Variants in WWP1 observed in about 807,000 individuals in gnomAD.
The protein encoded by WWP1 is WW domain containing E3 ubiquitin protein ligase 1.
Under a neutral mutation model 130.6 loss-of-function variants are expected in WWP1, and 49 were observed. The observed-to-expected ratio is 0.38, with a 90% CI of 0.30 to 0.48. The LOEUF (loss-of-function observed/expected upper bound fraction) is 0.48. Among genes scored for constraint, WWP1 ranks in the 20% least tolerant of loss-of-function variants. WWP1 has a pLI of 0.99. For synonymous variants in WWP1, 332 were observed against 367.8 expected (o/e 0.90, Z 1.11); for missense variants, 809 against 1,100.6 (o/e 0.74, Z 3.75).
chr8:86,430,641 C>T (rs1809886284), intron 11 of WWP1, 56 bp from the exon 12 acceptor site: 4 of 1,421,668 alleles, frequency 2.8e-6, no homozygotes, highest in Non-Finnish European at 2.9e-6. Context: ...CTTATTTCTA[C>T]TTTCATATTA....
chr8:86,406,455 ATTATAT>A (rs1439899391), intron 8 of WWP1, among the ~76,000 whole-genome samples: 1 of 152,198 alleles, frequency 6.6e-6, no homozygotes, highest in East Asian at 1.9e-4. Context: ...TCACAAGTTT[ATTATAT>A]TTTTTTCTTA....
intron 8 of WWP1, among the ~76,000 whole-genome samples, chr8:86,409,174 TG>T (rs1808439615): frequency 6.6e-6 from 1 of 151,806 alleles, no homozygotes; most frequent in Admixed American, 6.6e-5. Context: ...TTGGTAATTG[TG>T]ATCTTCCTTG....
In WWP1 at chr8:86,463,063, C is replaced by T. The variant is rs138427625; in HGVS notation, c.2669+1217C>T. Among the ~76,000 whole-genome samples, 52 of 152,216 alleles carry T rather than the reference C, an allele frequency of 3.4e-4. 1 individual carries two copies. Among genetic ancestry groups the T allele is most frequent in the African/African-American group, 9.4e-4 (39 of 41,534 alleles). Reference sequence around the variant, plus strand: ...ATTTTCTTGAAGGAAAGCTTTTGGGCAGTTGTTTGAGTTGAAAGCTGAACT... The same window carrying T: ...ATTTTCTTGAAGGAAAGCTTTTGGGTAGTTGTTTGAGTTGAAAGCTGAACT... On this transcript the variant is annotated intron_variant, in intron 24 of 24. Coordinates refer to ENST00000517970, the MANE Select transcript of WWP1 (RefSeq NM_007013.4).
At chr8:86,453,570 G>A (rs1811286898) in intron 21 of WWP1, among the ~76,000 whole-genome samples, 1 of 152,080 alleles carries the variant, frequency 6.6e-6, no homozygotes, top group East Asian at 1.9e-4. Context: ...GGTATTGTTG[G>A]ATCATATGGT....
intron 24 of WWP1, among the ~76,000 whole-genome samples, chr8:86,464,373 G>A (rs1586526475): frequency 6.6e-6 from 1 of 152,080 alleles, no homozygotes; most frequent in African/African-American, 2.4e-5. Context: ...TTTTTTGGAA[G>A]TAGTTGGGTT....
Position 86,448,619 on chromosome 8 carries a change from T to C in WWP1, c.2273+106T>C, listed in dbSNP as rs187831428. 2,578 of 1,078,886 alleles carry C rather than the reference T, an allele frequency of 2.4e-3. 8 individuals are homozygous for C. Among genetic ancestry groups the C allele is most frequent in the Non-Finnish European group, 3.1e-3 (2,428 of 772,754 alleles). 66.8% of individuals were successfully genotyped at this position (1,078,886 alleles called of 1,614,324 possible). On this transcript the variant is annotated intron_variant, in intron 20 of 24. Transcript: ENST00000517970. ...CCTTTTCATGCCTTTGGGAAGTTCT[T>C]CTCACCAGTACCAATGTTCTTGAAA...
At chr8:86,435,828 A>T (rs1810257082) in intron 16 of WWP1, 124 bp downstream of exon 16, 1 of 873,634 alleles carries the variant, frequency 1.1e-6, no homozygotes, top group Admixed American at 2.8e-5. Context: ...AATGACTGCC[A>T]CCACCACTTG....
At chr8:86,462,531 A>G (rs924219900) in intron 24 of WWP1, among the ~76,000 whole-genome samples, 2 of 152,204 alleles carry the variant, frequency 1.3e-5, no homozygotes, top group Non-Finnish European at 2.9e-5. Context: ...TGTCAAAGAA[A>G]AATTAGACAG....
At chr8:86,435,248 T>C (rs1466645062) in intron 14 of WWP1, among the ~76,000 whole-genome samples, 1 of 152,200 alleles carries the variant, frequency 6.6e-6, no homozygotes, top group African/African-American at 2.4e-5. Flanking sequence ...ACAATGTCCT[T>C]CTTTGTGTAT....
chr8:86,431,843 T>C, intron 14 of WWP1, 100 bp downstream of exon 14: 1 of 1,520,330 alleles, frequency 6.6e-7, no homozygotes, highest in Non-Finnish European at 8.9e-7. Context: ...TTTTACTTTT[T>C]GGTTCAAGAA....
chr8:86,394,737 C>T (rs1807555101), intron 5 of WWP1, among the ~76,000 whole-genome samples: 1 of 151,862 alleles, frequency 6.6e-6, no homozygotes, highest in African/African-American at 2.4e-5. Context: ...TATACAAACA[C>T]ATGTAGATGG....
chr8:86,382,781 C>T (rs1226778323), intron 5 of WWP1, among the ~76,000 whole-genome samples: 3 of 152,308 alleles, frequency 2.0e-5, no homozygotes, highest in South Asian at 2.1e-4. Context: ...TATTTAGTTT[C>T]CCGTTGTCTG....
At chr8:86,463,103 T>C (rs1482152779) in intron 24 of WWP1, among the ~76,000 whole-genome samples, 1 of 152,146 alleles carries the variant, frequency 6.6e-6, no homozygotes, top group Non-Finnish European at 1.5e-5. Flanking sequence ...TGCTTTCTTT[T>C]ATGGAACACT....
At chr8:86,458,429 G>C (rs1811573403) in intron 22 of WWP1, among the ~76,000 whole-genome samples, 1 of 152,128 alleles carries the variant, frequency 6.6e-6, no homozygotes, top group African/African-American at 2.4e-5. Context: ...GAATGATCGA[G>C]GGGATAATGT....
At chr8:86,373,984 C>T in intron 2 of WWP1, 46 bp from the exon 3 acceptor site, 1 of 1,412,072 alleles carries the variant, frequency 7.1e-7, no homozygotes, top group Non-Finnish European at 9.7e-7. Context: ...TTGAAAATTA[C>T]AAACTCTTAT....
At chr8:86,347,010 TTTTA>T in intron 1 of WWP1, among the ~76,000 whole-genome samples, 1 of 151,972 alleles carries the variant, frequency 6.6e-6, no homozygotes, top group East Asian at 1.9e-4. Flanking sequence ...TTTTATTTTA[TTTTA>T]TTTATTTATT....
At chr8:86,384,368 G>A (rs910474993) in intron 5 of WWP1, among the ~76,000 whole-genome samples, 1 of 152,058 alleles carries the variant, frequency 6.6e-6, no homozygotes, top group African/African-American at 2.4e-5. Context: ...ATTAGTTTTA[G>A]TCGTTCATTT....
Position 86,381,176 on chromosome 8 carries a change from A to G in WWP1, c.209+312A>G, listed in dbSNP as rs77259081. Among the ~76,000 whole-genome samples the G allele has an allele frequency of 5.0e-3, 759 of 152,286 alleles. 5 individuals are homozygous for G. Among genetic ancestry groups the G allele is most frequent in the African/African-American group, 0.018 (732 of 41,566 alleles). ...AAATAATAATGGCATAAATTTGTGT[A>G]TAGTAAAAGTATCATGTAAGTCTTT... On this transcript the variant is annotated intron_variant, in intron 4 of 24. Transcript: ENST00000517970.
chr8:86,415,802 C>T (rs1411393293), intron 9 of WWP1, among the ~76,000 whole-genome samples: 1 of 152,140 alleles, frequency 6.6e-6, no homozygotes, highest in Non-Finnish European at 1.5e-5. Context: ...TATTATTTTT[C>T]TAGCACTTAA....
Sources: gnomAD v4.1 joint callset for allele counts (sites outside exome capture counted in the v4.1 genomes callset) on GRCh38, gnomAD v4.1.1 for gene constraint, MANE v1.5 for transcripts, NCBI Gene and HGNC (gene_info 2026-07-23, HGNC 2026-07-21) for gene names.